NEMP2: variants seen among roughly 807,000 people sequenced by gnomAD.
The protein encoded by NEMP2 is nuclear envelope integral membrane protein 2.
NEMP2 carries 53 observed loss-of-function variants against 54.2 expected under a neutral mutation model. The observed-to-expected ratio is 0.98, with a 90% CI of 0.78 to 1.23. The LOEUF (loss-of-function observed/expected upper bound fraction) is 1.23. NEMP2 is among the 50% of genes most tolerant of loss of function. The pLI is 0.00. For missense variants in NEMP2, 455 were observed against 511.3 expected, an observed-to-expected ratio of 0.89 and a Z score of 1.06; for synonymous variants, 197 against 190.3, an observed-to-expected ratio of 1.04 and a Z score of -0.29.
chr2:190,524,135 T>G (rs1453082052), intron 2 of NEMP2, among the ~76,000 whole-genome samples: 3 of 151,730 alleles, frequency 2.0e-5, no homozygotes, highest in Non-Finnish European at 4.4e-5. Flanking sequence ...GAGAATCACC[T>G]GAGCCCGGGA....
At chr2:190,451,157 G>A in the NEMP2 span, among the ~76,000 whole-genome samples, 11 of 152,274 alleles carry the variant, frequency 7.2e-5, no homozygotes, top group African/African-American at 2.2e-4. This position sits in a 1 kb window ranked among gnomAD's most constrained non-coding sequence, Gnocchi z 5.0. Flanking sequence ...GTGTATGTGT[G>A]TGTATATGTA....
At position 190,518,728 on chromosome 2, in the gene NEMP2, ATACT is replaced by A. The variant is rs1690649591; in HGVS notation, c.518+4_518+7del. ...CACAAAGTTAAAAATATAAAAAGGAATACTTACTGACTCAGGGTCCTTGCATAAA... is the reference window on the plus strand; with the variant it reads ...CACAAAGTTAAAAATATAAAAAGGAATACTGACTCAGGGTCCTTGCATAAA... On this transcript the variant is annotated splice_donor_5th_base_variant and intron_variant, in intron 4 of 8. Transcript: ENST00000409150. 6.6e-7 allele frequency: 1 copy of A among 1,521,902 alleles called. No individual in the cohort carries two copies. The highest frequency in any genetic ancestry group is 2.3e-5 in the Admixed American group (1 of 42,934). 94.3% of individuals were successfully genotyped at this position (1,521,902 alleles called of 1,614,324 possible).
At chr2:190,614,808 C>T in the NEMP2 span, among the ~76,000 whole-genome samples, 1 of 152,152 alleles carries the variant, frequency 6.6e-6, no homozygotes, top group South Asian at 2.1e-4. This position sits in a 1 kb window ranked among gnomAD's most constrained non-coding sequence, Gnocchi z 5.7. Flanking sequence ...CAGTACCAGA[C>T]AAATGGCTTA....
chr2:190,648,227 G>A, the NEMP2 span: 3 of 152,280 alleles, frequency 2.0e-5, no homozygotes, highest in African/African-American at 7.2e-5. Context: ...TACCCGGCCA[G>A]CGCGACAGTT....
chr2:190,605,258 C>A, the NEMP2 span, among the ~76,000 whole-genome samples: 2 of 152,230 alleles, frequency 1.3e-5, no homozygotes, highest in Non-Finnish European at 2.9e-5. Context: ...CAACACCTCA[C>A]AATCTTGTCC....
chr2:190,470,733 G>T, the NEMP2 span, among the ~76,000 whole-genome samples: 1 of 152,118 alleles, frequency 6.6e-6, no homozygotes, highest in Non-Finnish European at 1.5e-5. Flanking sequence ...TTGTCATGAT[G>T]AAAGATTGAG....
the NEMP2 span, among the ~76,000 whole-genome samples, chr2:190,455,227 G>T: frequency 1.3e-5 from 2 of 151,842 alleles, no homozygotes; most frequent in East Asian, 3.9e-4. Context: ...TATTTATTAA[G>T]TTACTATTAA....
the NEMP2 span, among the ~76,000 whole-genome samples, chr2:190,432,424 T>C: frequency 6.6e-6 from 1 of 152,174 alleles, no homozygotes; most frequent in Admixed American, 6.5e-5. Context: ...TTGTTTGTTT[T>C]TGTTTTTTGA....
the NEMP2 span, among the ~76,000 whole-genome samples, chr2:190,590,175 G>C: frequency 6.6e-6 from 1 of 152,112 alleles, no homozygotes; most frequent in South Asian, 2.1e-4. The surrounding 1 kb of genome is among the most constrained non-coding windows in gnomAD (Gnocchi z 5.1). Flanking sequence ...CATCACATTG[G>C]GCATTGACCC....
chr2:190,581,738 C>T, the NEMP2 span, among the ~76,000 whole-genome samples: 1 of 152,064 alleles, frequency 6.6e-6, no homozygotes, highest in East Asian at 1.9e-4. Context: ...GTATTAAAAA[C>T]CAATAAATAT....
chr2:190,484,702 A>G, the NEMP2 span, among the ~76,000 whole-genome samples: 1 of 152,230 alleles, frequency 6.6e-6, no homozygotes, highest in African/African-American at 2.4e-5. Context: ...TTTTGTATAC[A>G]CAGATGATGT....
the NEMP2 span, among the ~76,000 whole-genome samples, chr2:190,432,767 G>A: frequency 2.0e-5 from 3 of 151,860 alleles, no homozygotes. Flanking sequence ...ATTTGTTTGG[G>A]GTTTAGACTT....
chr2:190,608,418 A>C, the NEMP2 span: 2 of 152,248 alleles, frequency 1.3e-5, no homozygotes, highest in East Asian at 3.8e-4. This position sits in a 1 kb window ranked among gnomAD's most constrained non-coding sequence, Gnocchi z 4.9. Flanking sequence ...TTGTAAAGAA[A>C]AATATATTTG....
chr2:190,582,189 G>A, the NEMP2 span, among the ~76,000 whole-genome samples: 3 of 152,244 alleles, frequency 2.0e-5, no homozygotes, highest in South Asian at 2.1e-4. The surrounding 1 kb of genome is among the most constrained non-coding windows in gnomAD (Gnocchi z 4.6). Context: ...TTAGTCACTC[G>A]GGAACCATAA....
chr2:190,438,720 G>GT, the NEMP2 span, among the ~76,000 whole-genome samples: 12 of 152,236 alleles, frequency 7.9e-5, no homozygotes, highest in Middle Eastern at 3.4e-3. The surrounding 1 kb of genome is among the most constrained non-coding windows in gnomAD (Gnocchi z 5.2). Context: ...AAAAGCAACC[G>GT]TATGTGTTTG....
downstream of NEMP2, among the ~76,000 whole-genome samples, chr2:190,502,951 G>T (rs545144226): frequency 6.6e-6 from 1 of 152,286 alleles, no homozygotes; most frequent in South Asian, 2.1e-4. This position sits in a 1 kb window ranked among gnomAD's most constrained non-coding sequence, Gnocchi z 4.4. Flanking sequence ...TCTTCCTAAT[G>T]TCAAAGCCCT....
chr2:190,633,972 T>G, the NEMP2 span, among the ~76,000 whole-genome samples: 1 of 152,088 alleles, frequency 6.6e-6, no homozygotes, highest in African/African-American at 2.4e-5. Flanking sequence ...TTCGGGAGGC[T>G]GAGGCAGGAA....
the NEMP2 span, among the ~76,000 whole-genome samples, chr2:190,642,173 G>A: frequency 6.6e-6 from 1 of 152,126 alleles, no homozygotes; most frequent in African/African-American, 2.4e-5. This position sits in a 1 kb window ranked among gnomAD's most constrained non-coding sequence, Gnocchi z 4.1. Context: ...ATAAGCACTG[G>A]TAGCTCATCC....
At chr2:190,449,874 GA>G in the NEMP2 span, among the ~76,000 whole-genome samples, 57 of 151,944 alleles carry the variant, frequency 3.8e-4, no homozygotes, top group Admixed American at 1.3e-3. Context: ...TGGGGTGGGG[GA>G]AGGGGGGAGG....
Sources: gnomAD v4.1 joint callset for allele counts (sites outside exome capture counted in the v4.1 genomes callset) on GRCh38, gnomAD v4.1.1 for gene constraint, Gnocchi (gnomAD v3.1) non-coding constraint, MANE v1.5 for transcripts, NCBI Gene and HGNC (gene_info 2026-07-23, HGNC 2026-07-21) for gene names.